SCRN3: variants seen among roughly 807,000 people sequenced by gnomAD.
SCRN3 encodes secernin 3.
A neutral mutation model predicts 43.1 loss-of-function variants in SCRN3; 39 were observed. The observed-to-expected ratio is 0.91, with a 90% CI of 0.70 to 1.18. The LOEUF is 1.18. Ranked by LOEUF, SCRN3 falls within the 50% of genes most tolerant of loss-of-function variation. The pLI is 0.00. For synonymous variants in SCRN3, 147 were observed against 163.1 expected, an observed-to-expected ratio of 0.90 and a Z score of 0.75; for missense variants, 484 against 498.0, an observed-to-expected ratio of 0.97 and a Z score of 0.27.
rs139551565 is a variant in SCRN3 at position 174,401,155 on chromosome 2, T to C, written c.507T>C (p.Thr169=). ...GGAATGAAGCCTGGATTCTGGAGAC[T>C]GCAGGGAAGTACTGGGCAGCAGAAA... ...ADRNEAWILE[T]AGKYWAAEKV... Residue 169 remains threonine (T), a synonymous_variant, in exon 4 of 8, where the codon ACT becomes ACC. Transcript: ENST00000272732. 30 of 1,613,820 alleles carry C rather than the reference T, an allele frequency of 1.9e-5. No homozygotes were observed. The highest frequency in any genetic ancestry group is 2.5e-5 in the Non-Finnish European group (29 of 1,179,898).
chr2:174,423,204 A>G (rs1686356642), intron 6 of SCRN3, among the ~76,000 whole-genome samples, 157 bp downstream of exon 6: 1 of 152,188 alleles, frequency 6.6e-6, no homozygotes, highest in Non-Finnish European at 1.5e-5. Flanking sequence ...AATATCCACA[A>G]ATGTGTAACT....
intron 1 of SCRN3, chr2:174,397,404 G>A: frequency 1.1e-6 from 1 of 906,810 alleles, no homozygotes; most frequent in Non-Finnish European, 1.3e-6. Flanking sequence ...CAACTGAAGA[G>A]GTAATCTAGA....
Position 174,424,467 on chromosome 2 carries a change from T to C in SCRN3, c.918-8T>C, listed in dbSNP as rs1686410143. ...ACATGATAATTTAATAAAGACTCTT[T>C]TTTCTAGATCTGTTTTTAAGCCTTT... On this transcript the variant is annotated splice_polypyrimidine_tract_variant and splice_region_variant and intron_variant, in intron 6 of 7. Transcript: ENST00000272732. The C allele has an allele frequency of 1.9e-6, 3 of 1,563,150 alleles. No homozygotes were observed. Among genetic ancestry groups the C allele is most frequent in the Non-Finnish European group, 2.6e-6 (3 of 1,146,084 alleles).
At chr2:174,416,843 T>C (rs2105608518) in intron 5 of SCRN3, among the ~76,000 whole-genome samples, 1 of 152,326 alleles carries the variant, frequency 6.6e-6, no homozygotes, top group South Asian at 2.1e-4. Flanking sequence ...ATTATTAGTG[T>C]TGTTTGGTGC....
chr2:174,414,264 A>T (rs1443334138), intron 5 of SCRN3, among the ~76,000 whole-genome samples: 1 of 152,216 alleles, frequency 6.6e-6, no homozygotes, highest in African/African-American at 2.4e-5. Flanking sequence ...AAATTAATAT[A>T]TTCACATGAT....
At chr2:174,418,693 A>T (rs1349539435) in intron 5 of SCRN3, among the ~76,000 whole-genome samples, 1 of 152,146 alleles carries the variant, frequency 6.6e-6, no homozygotes, top group Non-Finnish European at 1.5e-5. Context: ...ACTGTTTTTT[A>T]TTAAAACTTG....
In SCRN3 at chr2:174,429,258, C is replaced by G. The variant is rs1194724450; in HGVS notation, c.*1363C>G. ...TTACACTTACGGGAATCTTATTTCC[C>G]TCTCTAGGGGCAGCATGTTTTCACC... On this transcript the variant is annotated 3_prime_UTR_variant, in exon 8 of 8. Transcript: ENST00000272732. The G allele has an allele frequency of 6.6e-6, 1 of 152,116 alleles. No individual in the cohort carries two copies. Among genetic ancestry groups the G allele is most frequent in the Non-Finnish European group, 1.5e-5 (1 of 68,032 alleles). 9.4% of individuals were successfully genotyped at this position (152,116 alleles called of 1,614,324 possible).
In SCRN3 at chr2:174,400,080, A is replaced by T; in HGVS notation, c.318A>T (p.Ala106=). The change falls in exon 3 of 8, where the codon GCA becomes GCT. Residue 106 remains alanine (A), a synonymous_variant. Transcript: ENST00000272732. The stretch of plus-strand genomic sequence containing the variant: ...GAGAAGAAGTTTGTGATGAAGAAGC[A>T]CTATTAGGAATGGACCTTGTCAGGT... The part of the protein sequence containing the change: ...WGREEVCDEE[A]LLGMDLVRLG... The T allele has an allele frequency of 6.3e-7, 1 of 1,581,496 alleles. No individual in the cohort carries two copies. The highest frequency in any genetic ancestry group is 8.6e-7 in the Non-Finnish European group (1 of 1,167,506).
chr2:174,425,596 C>T (rs900636397), intron 7 of SCRN3, among the ~76,000 whole-genome samples: 7 of 152,004 alleles, frequency 4.6e-5, no homozygotes, highest in Admixed American at 2.6e-4. Context: ...CTTTTTTTCT[C>T]TCACCTATTT....
chr2:174,397,116 G>A, intron 1 of SCRN3: 3 of 981,278 alleles, frequency 3.1e-6, no homozygotes, highest in South Asian at 4.7e-5. Context: ...AAGCCATCAA[G>A]ACATCAGACT....
chr2:174,429,652 T>A (rs1034253468), downstream of SCRN3: 2 of 152,180 alleles, frequency 1.3e-5, no homozygotes, highest in African/African-American at 4.8e-5. Flanking sequence ...ATGGTTCAAG[T>A]TAGAGATCAC....
chr2:174,424,135 C>T (rs1309535337), intron 6 of SCRN3, among the ~76,000 whole-genome samples: 1 of 152,112 alleles, frequency 6.6e-6, no homozygotes, highest in Admixed American at 6.6e-5. Context: ...CACCCCAAGT[C>T]CTAATCCTCT....
rs1341016256 is a variant in SCRN3, at chr2:174,409,863, G to T, written c.754+5548G>T. Among the ~76,000 whole-genome samples the T allele has an allele frequency of 2.8e-5, 4 of 140,924 alleles. 1 individual carries two copies. The highest frequency in any genetic ancestry group is 4.8e-5 in the Non-Finnish European group (3 of 62,400). The allele number at this position is 140,924 out of a possible 152,430, so 92.5% of individuals were successfully genotyped here. On this transcript the variant is annotated intron_variant, in intron 5 of 7. Transcript: ENST00000272732. ...TGGGAGAACCACTGCTCTCTTCAAA[G>T]CTGTCAGACAGGGACATTTAAGTCT...
intron 5 of SCRN3, among the ~76,000 whole-genome samples, chr2:174,419,612 CT>C (rs1559082135): frequency 5.5e-4 from 83 of 151,920 alleles, no homozygotes; most frequent in African/African-American, 1.9e-3. Flanking sequence ...AACTCCTGGG[CT>C]CACAGTATCA....
chr2:174,396,479 A>G (rs906690799), intron 1 of SCRN3, among the ~76,000 whole-genome samples: 9 of 152,142 alleles, frequency 5.9e-5, no homozygotes, highest in African/African-American at 2.2e-4. Flanking sequence ...TCCACCAACC[A>G]AGTTCTCTAT....
chr2:174,398,441 A>C lies in SCRN3; in HGVS notation c.158A>C (p.Lys53Thr), dbSNP rs751235639. The C allele has an allele frequency of 3.8e-6, 6 of 1,588,612 alleles. No individual in the cohort carries two copies. The African/African-American group carries it at 8.2e-5, about 22-fold the overall frequency. ...VVHDNLGERL[K>T]CTYIEIDQVP... is the part of the protein sequence containing the mutation. ...CATGATAACCTGGGAGAACGTCTTA[A>C]GGTAGGTGAAATAAATGTTTTGTTA... Residue 53 changes from lysine to threonine, a missense_variant and splice_region_variant, in exon 2 of 8, where the codon AAG (lysine) becomes ACG (threonine). By Grantham distance (78) the Lys-to-Thr change is moderately conservative (BLOSUM62 -1). Transcript: ENST00000272732.
Position 174,400,011 on chromosome 2 carries a change from C to CA in SCRN3, c.251dup (p.Asn84LysfsTer2). 3 of 1,598,242 alleles carry CA rather than the reference C, an allele frequency of 1.9e-6. No individual in the cohort carries two copies. In the African/African-American group the frequency reaches 4.1e-5, roughly 22 times the overall value. Reference sequence around the variant, plus strand: ...GGTTGTGGGGGGCAGAAATGGGAGCCAATGAGCATGGAGTTTGCATTGGGA... The same window carrying CA: ...GGTTGTGGGGGGCAGAAATGGGAGCCAAATGAGCATGGAGTTTGCATTGGGA... On this transcript the variant is annotated frameshift_variant, in exon 3 of 8. Transcript: ENST00000272732. LOFTEE classifies it high-confidence loss of function.
At chr2:174,397,044 A>G in intron 1 of SCRN3, 4 of 977,536 alleles carry the variant, frequency 4.1e-6, no homozygotes, top group Non-Finnish European at 4.9e-6. Flanking sequence ...AGAACTAACT[A>G]TAAAACACAA....
chr2:174,397,665 A>T (rs997715898), intron 1 of SCRN3, among the ~76,000 whole-genome samples: 1 of 152,192 alleles, frequency 6.6e-6, no homozygotes, highest in Non-Finnish European at 1.5e-5. Flanking sequence ...GAATATAAAG[A>T]TTAGTAAGAC....
Sources: allele counts gnomAD v4.1 joint callset (sites outside exome capture counted in the v4.1 genomes callset), GRCh38; gene constraint gnomAD v4.1.1; transcripts MANE v1.5; gene names NCBI Gene and HGNC (gene_info 2026-07-23, HGNC 2026-07-21).